Variants in CASK observed in about 807,000 individuals in gnomAD.
CASK encodes peripheral plasma membrane protein CASK.
A neutral mutation model predicts 82.9 loss-of-function variants in CASK; 4 were observed. The ratio of observed to expected loss-of-function variants is 0.05; its 90% CI spans 0.02 to 0.11. The LOEUF (loss-of-function observed/expected upper bound fraction) is 0.11, where lower values mean the gene tolerates loss of function less well. Ranked by LOEUF, CASK falls within the 10% of genes least tolerant of loss-of-function variation. The probability of loss-of-function intolerance (pLI) is 1.00; values close to 1 mark genes in which losing one functional copy is unlikely to be tolerated. For missense variants in CASK, 358 were observed against 720.9 expected, an observed-to-expected ratio of 0.50 and a Z score of 5.76; for synonymous variants, 259 against 253.5, an observed-to-expected ratio of 1.02 and a Z score of -0.20.
intron 3 of CASK, among the ~76,000 whole-genome samples, chrX:41,761,259 T>G (rs762973882): frequency 4.2e-4 from 46 of 108,868 alleles, no homozygotes; most frequent in African/African-American, 7.7e-4. Context: ...GATTTTGGGG[T>G]TTTTTTTTGA....
In CASK at chrX:41,517,661, T is replaced by C; in HGVS notation, c.*2759A>G. On this transcript the variant is annotated 3_prime_UTR_variant, in exon 27 of 27. Transcript: ENST00000378163. ...TTAGTACTCTAAACATTCATTCTGG[T>C]CTTTAAAAGAAAGAAAGAAAAAAAA... 1 of 447,639 alleles carries C rather than the reference T, an allele frequency of 2.2e-6. No individual in the cohort carries two copies. Among genetic ancestry groups the C allele is most frequent in the Non-Finnish European group, 3.9e-6 (1 of 257,295 alleles). 36.9% of individuals were successfully genotyped at this position (447,639 alleles called of 1,213,427 possible). A position where few individuals can be genotyped will look rare whatever the true frequency, so the allele number is the denominator to read the frequency against.
intron 1 of CASK, among the ~76,000 whole-genome samples, chrX:41,890,644 A>G (rs1241674243): frequency 9.0e-6 from 1 of 111,625 alleles, no homozygotes; most frequent in African/African-American, 3.3e-5. Context: ...TTAGATTTTG[A>G]CCATGGTAGA....
intron 18 of CASK, among the ~76,000 whole-genome samples, 177 bp from the exon 19 acceptor site, chrX:41,557,277 C>T (rs753090358): frequency 5.4e-5 from 6 of 111,684 alleles, no homozygotes; most frequent in Non-Finnish European, 7.5e-5. Context: ...TTTTGCAGTT[C>T]GAAGGCTCAC....
chrX:41,553,623 C>T (rs774040366), intron 21 of CASK, 96 bp downstream of exon 21: 16 of 645,274 alleles, frequency 2.5e-5, no homozygotes, highest in Non-Finnish European at 3.7e-5. Context: ...ATATATCAAA[C>T]AGGTTTTACA....
Position 41,641,144 on chromosome X carries a change from C to G in CASK, c.832-4483G>C, listed in dbSNP as rs756542615. Among the ~76,000 whole-genome samples, 3 of 110,034 alleles carry G rather than the reference C, an allele frequency of 2.7e-5. No individual in the cohort carries two copies. In the South Asian group the frequency reaches 1.2e-3, roughly 43 times the overall value. On this transcript the variant is annotated intron_variant, in intron 8 of 26. Transcript: ENST00000378163. ...GGGATTACAGGCATGCGCTATCACG[C>G]CCGGCTAATTTTTGTATTTTTAGTA...
chrX:41,645,531 C>T (rs949694034), intron 8 of CASK, among the ~76,000 whole-genome samples: 59 of 111,288 alleles, frequency 5.3e-4, no homozygotes, highest in African/African-American at 1.9e-3. Flanking sequence ...GAAAAGACGT[C>T]TGTGTCAGAG....
At chrX:41,719,263 G>A (rs2147654480) in intron 5 of CASK, among the ~76,000 whole-genome samples, 1 of 111,997 alleles carries the variant, frequency 8.9e-6, no homozygotes, top group Admixed American at 9.4e-5. Context: ...GTTGGGAGAT[G>A]AGGAACCTTT....
At chrX:41,862,208 T>C (rs1287849076) in intron 1 of CASK, among the ~76,000 whole-genome samples, 1 of 109,919 alleles carries the variant, frequency 9.1e-6, no homozygotes, top group African/African-American at 3.3e-5. Context: ...TAATAGCCTG[T>C]GCAATGGCCT....
At chrX:41,654,388 G>T (rs2066904665) in intron 8 of CASK, among the ~76,000 whole-genome samples, 1 of 111,672 alleles carries the variant, frequency 9.0e-6, no homozygotes. Context: ...GGGAAGAATA[G>T]GGCCGGATGC....
chrX:41,768,065 A>G (rs1189051088), intron 3 of CASK, among the ~76,000 whole-genome samples: 2 of 111,331 alleles, frequency 1.8e-5, no homozygotes, highest in Admixed American at 9.6e-5. Context: ...ATAAGTATTT[A>G]TTTTATACTT....
intron 2 of CASK, among the ~76,000 whole-genome samples, chrX:41,797,407 C>T (rs926313042): frequency 1.8e-5 from 2 of 110,268 alleles, no homozygotes; most frequent in Non-Finnish European, 3.8e-5. Context: ...GGAGGCATAC[C>T]CTGCTGCAAT....
At chrX:41,750,528 G>A (rs748825739) in intron 3 of CASK, among the ~76,000 whole-genome samples, 2 of 111,868 alleles carry the variant, frequency 1.8e-5, no homozygotes, top group Non-Finnish European at 3.8e-5. Flanking sequence ...CCCTCCTATG[G>A]AAGAGTATGG....
chrX:41,559,809 T>C lies in CASK; in HGVS notation c.1707A>G (p.Pro569=), dbSNP rs886244931. The C allele has an allele frequency of 8.3e-7, 1 of 1,209,352 alleles. No homozygotes were observed. Among genetic ancestry groups the C allele is most frequent in the Non-Finnish European group, 1.1e-6 (1 of 894,499 alleles). ...MRGSITFKIV[P]SYRTQSSSCE... ...AGGACGAAGACTGAGTGCGGTAACTTGGCACAATCTTGAAGGTAATACTCC... is the reference window on the plus strand; with the variant it reads ...AGGACGAAGACTGAGTGCGGTAACTCGGCACAATCTTGAAGGTAATACTCC... The change falls in exon 18 of 27, where the codon CCA becomes CCG. Residue 569 remains proline, a synonymous_variant. Coordinates refer to ENST00000378163, the MANE Select transcript of CASK (RefSeq NM_001367721.1).
At chrX:41,787,059 G>C (rs2069622232) in intron 3 of CASK, 119 bp downstream of exon 3, 2 of 535,751 alleles carry the variant, frequency 3.7e-6, no homozygotes, top group East Asian at 3.4e-5. Flanking sequence ...TGTGACTTTA[G>C]GTCTTTCTGA....
chrX:41,837,988 C>G (rs373798251), intron 2 of CASK, among the ~76,000 whole-genome samples: 1 of 108,891 alleles, frequency 9.2e-6, no homozygotes, highest in African/African-American at 3.3e-5. Flanking sequence ...CAGTTCTCTG[C>G]ATCCTTGCCA....
intron 1 of CASK, among the ~76,000 whole-genome samples, chrX:41,859,885 A>T (rs2071444558): frequency 9.0e-6 from 1 of 111,509 alleles, no homozygotes; most frequent in African/African-American, 3.3e-5. Context: ...TTCCCCTAGG[A>T]GCAATGGTTC....
intron 1 of CASK, among the ~76,000 whole-genome samples, chrX:41,894,595 A>AT (rs1380794806): frequency 1.1e-5 from 1 of 91,858 alleles, no homozygotes; most frequent in Non-Finnish European, 2.2e-5. Context: ...CCACCCAAAT[A>AT]TTAAAAAAAA....
chrX:41,569,798 G>A, intron 15 of CASK, 52 bp from the exon 16 acceptor site: 1 of 711,568 alleles, frequency 1.4e-6, no homozygotes, highest in Non-Finnish European at 2.1e-6. Flanking sequence ...CTATGACAGT[G>A]CTTCTCTTAA....
chrX:41,893,697 C>A, intron 1 of CASK, among the ~76,000 whole-genome samples: 1 of 112,170 alleles, frequency 8.9e-6, no homozygotes, highest in Non-Finnish European at 1.9e-5. Flanking sequence ...CTTATTGGCT[C>A]AAAGTGTTTA....
Sources: gnomAD v4.1 joint callset for allele counts (sites outside exome capture counted in the v4.1 genomes callset) on GRCh38, gnomAD v4.1.1 for gene constraint, MANE v1.5 for transcripts, NCBI Gene and HGNC (gene_info 2026-07-23, HGNC 2026-07-21) for gene names.